Variants in KLF17 observed in about 807,000 individuals in gnomAD.
KLF17 encodes KLF transcription factor 17.
KLF17 carries 31 observed loss-of-function variants against 34.2 expected under a neutral mutation model. That is an observed-to-expected ratio of 0.91 (90% CI 0.68 to 1.22). The LOEUF is 1.22. Ranked by LOEUF, KLF17 falls within the 50% of genes most tolerant of loss-of-function variation. The pLI is 0.00. For missense variants in KLF17, 478 were observed against 505.2 expected (o/e 0.95, Z 0.52); for synonymous variants, 179 against 186.7 (o/e 0.96, Z 0.34).
At chr1:44,072,517 T>C in the KLF17 span, among the ~76,000 whole-genome samples, 1 of 150,574 alleles carries the variant, frequency 6.6e-6, no homozygotes, top group Admixed American at 6.6e-5. Flanking sequence ...CAAGATCCTG[T>C]CTCTACAAAA....
At chr1:44,129,328 A>T (rs2088070537) in intron 1 of KLF17, 25 bp from the exon 2 acceptor site, 1 of 1,505,408 alleles carries the variant, frequency 6.6e-7, no homozygotes, top group South Asian at 1.4e-5. Flanking sequence ...TTTGAGCAAA[A>T]ATCACCTGAC....
the KLF17 span, among the ~76,000 whole-genome samples, chr1:44,059,201 C>A: frequency 6.6e-6 from 1 of 152,152 alleles, no homozygotes; most frequent in African/African-American, 2.4e-5. Context: ...AACACTCAGC[C>A]AGAGGTGGTA....
chr1:44,121,574 T>G (rs1445916783), intron 1 of KLF17, among the ~76,000 whole-genome samples: 1 of 152,250 alleles, frequency 6.6e-6, no homozygotes, highest in Non-Finnish European at 1.5e-5. Flanking sequence ...AATAGTTTTA[T>G]TTTTTCATGA....
the KLF17 span, among the ~76,000 whole-genome samples, chr1:44,055,933 C>A: frequency 6.6e-6 from 1 of 152,156 alleles, no homozygotes; most frequent in Non-Finnish European, 1.5e-5. Flanking sequence ...CCCAATAGTT[C>A]GCAATCCTTA....
the KLF17 span, among the ~76,000 whole-genome samples, chr1:44,096,529 G>A: frequency 1.3e-5 from 2 of 151,450 alleles, no homozygotes; most frequent in African/African-American, 2.4e-5. Flanking sequence ...CTCCAGAACA[G>A]CTGGGACTAC....
chr1:44,130,290 T>C, intron 2 of KLF17, 94 bp downstream of exon 2: 1 of 1,518,208 alleles, frequency 6.6e-7, no homozygotes, highest in Non-Finnish European at 8.8e-7. Context: ...GGATGAGCCT[T>C]TCATCTTCCA....
chr1:44,087,614 G>A, the KLF17 span, among the ~76,000 whole-genome samples: 2 of 149,570 alleles, frequency 1.3e-5, no homozygotes, highest in Non-Finnish European at 3.0e-5. Flanking sequence ...GTACAAGCAG[G>A]GTATGGTAGG....
chr1:44,118,247 T>TTCTG (rs1460543845), upstream of KLF17, among the ~76,000 whole-genome samples: 1 of 151,172 alleles, frequency 6.6e-6, no homozygotes. Flanking sequence ...AAGGACTTTG[T>TTCTG]TCTGTCCTGT....
chr1:44,122,847 C>G (rs536562797), intron 1 of KLF17, among the ~76,000 whole-genome samples: 1 of 152,188 alleles, frequency 6.6e-6, no homozygotes, highest in Non-Finnish European at 1.5e-5. Flanking sequence ...GATCCACCCC[C>G]CTTGGCCTCC....
the KLF17 span, among the ~76,000 whole-genome samples, chr1:44,085,642 TA>T: frequency 6.6e-6 from 1 of 151,004 alleles, no homozygotes; most frequent in Admixed American, 6.6e-5. Flanking sequence ...AAAATAAAAA[TA>T]AAAAATAGAA....
chr1:44,091,432 G>A, the KLF17 span, among the ~76,000 whole-genome samples: 1 of 151,876 alleles, frequency 6.6e-6, no homozygotes, highest in African/African-American at 2.4e-5. Flanking sequence ...GATGCAGGTG[G>A]ATCATTTGAG....
chr1:44,065,598 C>T, the KLF17 span, among the ~76,000 whole-genome samples: 26 of 151,668 alleles, frequency 1.7e-4, 2 homozygotes, highest in Admixed American at 7.9e-4. Context: ...TTAGTAGAGA[C>T]GGGGTTTCAC....
chr1:44,111,442 G>A, the KLF17 span, among the ~76,000 whole-genome samples: 1 of 132,358 alleles, frequency 7.6e-6, no homozygotes, highest in Non-Finnish European at 1.6e-5. Context: ...CTGTTATTTT[G>A]CATGAATTCC....
intron 3 of KLF17, among the ~76,000 whole-genome samples, chr1:44,132,032 C>T (rs978619444): frequency 3.3e-5 from 5 of 152,066 alleles, no homozygotes; most frequent in African/African-American, 9.7e-5. Flanking sequence ...TGAGGCCGGG[C>T]GCAGTGGCTC....
intron 1 of KLF17, among the ~76,000 whole-genome samples, chr1:44,127,692 T>TTTTC (rs71036666): frequency 0.018 from 1,647 of 89,968 alleles, 64 homozygotes; most frequent in African/African-American, 0.062. Flanking sequence ...CTTTCTTTCT[T>TTTTC]TTTCTTTCTT....
chr1:44,097,656 A>G, the KLF17 span, among the ~76,000 whole-genome samples: 1 of 152,192 alleles, frequency 6.6e-6, no homozygotes, highest in Non-Finnish European at 1.5e-5. Context: ...TACTATGCTG[A>G]ATAAAAGTGG....
rs1385183693 is a variant in KLF17, at chr1:44,130,539, A to G, written c.953A>G (p.Glu318Gly). 1.2e-6 allele frequency: 2 copies of G among 1,614,124 alleles called. No individual in the cohort carries two copies. The highest frequency in any genetic ancestry group is 1.7e-6 in the Non-Finnish European group (2 of 1,180,000). The change falls in exon 3 of 4, where the codon GAA becomes GGA. Residue 318 changes from glutamate to glycine, a missense_variant. Glu to Gly is a moderately conservative substitution (Grantham distance 98). Transcript: ENST00000372299. Reference protein sequence around the residue: ...TGERPYSCNWESCSWSFFRSD... With the variant: ...TGERPYSCNWGSCSWSFFRSD... ...GAGAGGCCATATTCTTGCAACTGGG[A>G]AAGTTGTTCATGGTCTTTCTTCCGT...
At chr1:44,104,614 T>C in the KLF17 span, 2 of 563,540 alleles carry the variant, frequency 3.5e-6, no homozygotes, top group Non-Finnish European at 6.6e-6. Context: ...CACCATAGCC[T>C]CTGCCCAGGC....
chr1:44,062,140 C>T, the KLF17 span, among the ~76,000 whole-genome samples: 1 of 152,330 alleles, frequency 6.6e-6, no homozygotes, highest in Middle Eastern at 3.4e-3. Context: ...TTTGCCTGCA[C>T]TGTGTCACCA....
Sources: allele counts gnomAD v4.1 joint callset (sites outside exome capture counted in the v4.1 genomes callset), GRCh38; gene constraint gnomAD v4.1.1; transcripts MANE v1.5; gene names NCBI Gene and HGNC (gene_info 2026-07-23, HGNC 2026-07-21).